MEGF11: variants seen among roughly 807,000 people sequenced by gnomAD.
MEGF11 encodes multiple epidermal growth factor-like domains protein 11.
A neutral mutation model predicts 146.6 loss-of-function variants in MEGF11; 126 were observed. The observed-to-expected ratio is 0.86, with a 90% CI of 0.74 to 1.00. The LOEUF (loss-of-function observed/expected upper bound fraction) is 1.00, where lower values mean the gene tolerates loss of function less well. Among genes scored for constraint, MEGF11 ranks in the 50% least tolerant of loss-of-function variants. The pLI is 0.00. For missense variants in MEGF11, 1,509 were observed against 1,521.2 expected, an observed-to-expected ratio of 0.99 and a Z score of 0.13; for synonymous variants, 532 against 583.4, an observed-to-expected ratio of 0.91 and a Z score of 1.27.
rs530360110 is a variant in MEGF11 at position 66,042,803 on chromosome 15, C to T, written c.394+51599G>A. On this transcript the variant is annotated intron_variant, in intron 5 of 25. Transcript: ENST00000395614. ...GATCCCCCATTTGCATGTCTTTACA[C>T]GGCCTAGGACTGCAGGGCATACTGG... Among the ~76,000 whole-genome samples, 47 of 152,332 alleles carry T rather than the reference C, an allele frequency of 3.1e-4. 1 individual carries two copies. The highest frequency in any genetic ancestry group is 1.0e-3 in the African/African-American group (43 of 41,580).
At chr15:66,206,810 G>A (rs980500996) in intron 1 of MEGF11, among the ~76,000 whole-genome samples, 3 of 152,208 alleles carry the variant, frequency 2.0e-5, no homozygotes, top group African/African-American at 7.2e-5. Flanking sequence ...GGCTGAGGCA[G>A]GAGAATCGCT....
chr15:65,990,579 A>AAAGG (rs1265145559), intron 5 of MEGF11, among the ~76,000 whole-genome samples: 1 of 151,312 alleles, frequency 6.6e-6, no homozygotes, highest in African/African-American at 2.4e-5. Context: ...GCAAGGGAAG[A>AAAGG]AAGGAAAGAA....
intron 1 of MEGF11, among the ~76,000 whole-genome samples, chr15:66,218,867 T>TA (rs1452610571): frequency 6.7e-6 from 1 of 150,278 alleles, no homozygotes. Flanking sequence ...TCCTTAGCAG[T>TA]AAAATCAGTC....
At chr15:66,052,105 T>C (rs1251048924) in intron 5 of MEGF11, among the ~76,000 whole-genome samples, 1 of 152,162 alleles carries the variant, frequency 6.6e-6, no homozygotes, top group Admixed American at 6.5e-5. Flanking sequence ...GGGGTGAGCA[T>C]CCATCATCCC....
At chr15:66,245,561 G>A (rs1513932) in intron 1 of MEGF11, among the ~76,000 whole-genome samples, 24,387 of 152,028 alleles carry the variant, frequency 0.16, 3,118 homozygotes, top group African/African-American at 0.35. Flanking sequence ...GAGCCCAGGT[G>A]TTCAAGATGG....
intron 5 of MEGF11, among the ~76,000 whole-genome samples, chr15:66,038,544 C>T (rs1377093119): frequency 6.6e-6 from 1 of 152,076 alleles, no homozygotes; most frequent in African/African-American, 2.4e-5. Context: ...TTTAATTTAA[C>T]GAGGCTGTTC....
At chr15:66,085,504 T>G (rs144665509) in intron 5 of MEGF11, among the ~76,000 whole-genome samples, 2,166 of 152,356 alleles carry the variant, frequency 0.014, 22 homozygotes, top group Non-Finnish European at 0.024. Context: ...CACAGGACTC[T>G]GTGCAGACAA....
chr15:65,932,887 C>G (rs888809339), intron 10 of MEGF11, among the ~76,000 whole-genome samples: 7 of 152,046 alleles, frequency 4.6e-5, no homozygotes, highest in Admixed American at 1.3e-4. Context: ...GCTGGGAGAC[C>G]AGAGCTTGTC....
chr15:66,203,735 AC>A, intron 1 of MEGF11, among the ~76,000 whole-genome samples: 1 of 152,390 alleles, frequency 6.6e-6, no homozygotes, highest in Non-Finnish European at 1.5e-5. Flanking sequence ...AAGGGACCAA[AC>A]AACCAATGCA....
At chr15:66,008,407 GCGCGCACACACACACACACACA>G (rs1201302630) in intron 5 of MEGF11, among the ~76,000 whole-genome samples, 22 of 82,322 alleles carry the variant, frequency 2.7e-4, no homozygotes, top group South Asian at 7.2e-4. Context: ...GCACACGCGC[GCGCGCACACACACACACACACA>G]CACACACACA....
At chr15:65,973,265 CAAAGAGTT>C (rs974294127) in intron 7 of MEGF11, among the ~76,000 whole-genome samples, 1 of 152,114 alleles carries the variant, frequency 6.6e-6, no homozygotes, top group Non-Finnish European at 1.5e-5. Flanking sequence ...GCCTGGAGAG[CAAAGAGTT>C]AAAGAGTTCA....
At chr15:65,963,417 C>A (rs904885068) in intron 9 of MEGF11, among the ~76,000 whole-genome samples, 1 of 151,152 alleles carries the variant, frequency 6.6e-6, no homozygotes, top group Non-Finnish European at 1.5e-5. Context: ...ACATATATTT[C>A]ATCAGTTCTA....
At chr15:66,152,374 C>T (rs1186496627) in intron 1 of MEGF11, among the ~76,000 whole-genome samples, 26 of 152,140 alleles carry the variant, frequency 1.7e-4, no homozygotes, top group Non-Finnish European at 5.9e-5. Flanking sequence ...TCCCAGACTC[C>T]CCCCTCCTCC....
At chr15:66,012,345 G>A (rs538950157) in intron 5 of MEGF11, among the ~76,000 whole-genome samples, 12 of 152,272 alleles carry the variant, frequency 7.9e-5, no homozygotes, top group Non-Finnish European at 1.3e-4. Context: ...GGAGGCCCAG[G>A]GCTCTCCGCT....
chr15:66,130,042 C>G (rs1004510039), intron 1 of MEGF11, among the ~76,000 whole-genome samples: 3 of 152,132 alleles, frequency 2.0e-5, no homozygotes, highest in African/African-American at 7.2e-5. Context: ...ATCCCCCTAG[C>G]CCACTCCTCC....
intron 10 of MEGF11, among the ~76,000 whole-genome samples, chr15:65,943,931 C>T (rs1341180357): frequency 6.6e-6 from 1 of 152,084 alleles, no homozygotes; most frequent in Non-Finnish European, 1.5e-5. Context: ...CCTGCAGAGC[C>T]AGAGTCTGAC....
At chr15:66,152,220 G>A (rs1488138251) in intron 1 of MEGF11, among the ~76,000 whole-genome samples, 1 of 151,818 alleles carries the variant, frequency 6.6e-6, no homozygotes, top group Non-Finnish European at 1.5e-5. Flanking sequence ...TTATGAATAT[G>A]AACCCACCTT....
chr15:66,196,627 G>A (rs1303542682), intron 1 of MEGF11, among the ~76,000 whole-genome samples: 12 of 152,224 alleles, frequency 7.9e-5, no homozygotes, highest in Admixed American at 7.9e-4. Context: ...CAGGTTTAGA[G>A]TGGGAAGAAC....
chr15:66,156,661 C>G (rs1184943260), intron 1 of MEGF11, among the ~76,000 whole-genome samples: 2 of 152,084 alleles, frequency 1.3e-5, no homozygotes, highest in African/African-American at 4.8e-5. Context: ...CTGTCCGTGC[C>G]CCCTTCCAGT....
Sources: allele counts gnomAD v4.1 joint callset (sites outside exome capture counted in the v4.1 genomes callset), GRCh38; gene constraint gnomAD v4.1.1; transcripts MANE v1.5; gene names NCBI Gene and HGNC (gene_info 2026-07-23, HGNC 2026-07-21).